WDHD1: variants seen among roughly 807,000 people sequenced by gnomAD.
WDHD1 encodes WD repeat and HMG-box DNA binding protein 1.
Under a neutral mutation model 135.4 loss-of-function variants are expected in WDHD1, and 111 were observed. That is an observed-to-expected ratio of 0.82 (90% CI 0.70 to 0.96). The LOEUF (loss-of-function observed/expected upper bound fraction) is 0.96. WDHD1 is among the 40% of genes least tolerant of loss of function. The probability of loss-of-function intolerance (pLI) is 0.00; values close to 1 mark genes in which losing one functional copy is unlikely to be tolerated. For missense variants in WDHD1, 1,351 were observed against 1,336.3 expected, an observed-to-expected ratio of 1.01 and a Z score of -0.17; for synonymous variants, 434 against 439.0, an observed-to-expected ratio of 0.99 and a Z score of 0.14.
At chr14:54,982,883 G>T (rs2041640771) in intron 15 of WDHD1, among the ~76,000 whole-genome samples, 2 of 152,208 alleles carry the variant, frequency 1.3e-5, no homozygotes, top group South Asian at 4.2e-4. Context: ...GGTACTCCTG[G>T]GCCAGGTGCA....
intron 6 of WDHD1, 63 bp downstream of exon 6, chr14:55,008,253 C>A (rs748709066): frequency 3.4e-6 from 5 of 1,485,386 alleles, no homozygotes; most frequent in Non-Finnish European, 4.6e-6. Context: ...CCCAGTAATA[C>A]GACATATAAC....
intron 11 of WDHD1, among the ~76,000 whole-genome samples, chr14:54,994,686 A>G (rs1425772984): frequency 1.3e-5 from 2 of 151,620 alleles, no homozygotes; most frequent in African/African-American, 2.4e-5. Flanking sequence ...ACTTGAATCC[A>G]GGAGGCGGAG....
intron 2 of WDHD1, among the ~76,000 whole-genome samples, chr14:55,022,550 T>C (rs961414263): frequency 1.3e-5 from 2 of 151,900 alleles, no homozygotes; most frequent in Admixed American, 1.3e-4. Flanking sequence ...TGTGTGGTGG[T>C]GTATGCCTGT....
chr14:54,980,323 CA>C (rs933823746), intron 16 of WDHD1, among the ~76,000 whole-genome samples: 1,770 of 124,588 alleles, frequency 0.014, 16 homozygotes, highest in African/African-American at 0.035. Flanking sequence ...GACTCTGTCT[CA>C]AAAAAAAAAA....
Position 54,995,726 on chromosome 14 carries a change from C to A in WDHD1, c.1030G>T (p.Val344Phe), listed in dbSNP as rs2041866908. Reference sequence around the variant, plus strand: ...CCTTTTGAAAAAGAAGGGATCTCAACTGCATTGTCATTTAGAAAATCACCA... The same window carrying A: ...CCTTTTGAAAAAGAAGGGATCTCAAATGCATTGTCATTTAGAAAATCACCA... Reference protein sequence around the residue: ...NAGDFLNDNAVEIPSFSKGII... With the variant: ...NAGDFLNDNAFEIPSFSKGII... Residue 344 changes from valine (V) to phenylalanine (F), a missense_variant, in exon 11 of 26, where the codon GTT becomes TTT. Coordinates refer to ENST00000360586, the MANE Select transcript of WDHD1 (RefSeq NM_007086.4). 4 of 1,613,436 alleles carry A rather than the reference C, an allele frequency of 2.5e-6. No homozygotes were observed. The highest frequency in any genetic ancestry group is 2.2e-5 in the South Asian group (2 of 91,008).
chr14:54,980,350 G>GT lies in WDHD1; in HGVS notation c.2063+1189dup, dbSNP rs568879384. On this transcript the variant is annotated intron_variant, in intron 16 of 25. Transcript: ENST00000360586. Reference sequence around the variant, plus strand: ...AAAAAAAAAAAGACATAATTCAGTGGTTTTTTTGTATATTCACAGAATTGT... The same window carrying GT: ...AAAAAAAAAAAGACATAATTCAGTGGTTTTTTTTGTATATTCACAGAATTGT... Among the ~76,000 whole-genome samples, 11 of 151,784 alleles carry GT rather than the reference G, an allele frequency of 7.2e-5. No homozygotes were observed. In the South Asian group the frequency reaches 1.0e-3, roughly 14 times the overall value.
At chr14:55,010,971 A>C (rs2140224386) in intron 3 of WDHD1, among the ~76,000 whole-genome samples, 1 of 152,314 alleles carries the variant, frequency 6.6e-6, no homozygotes, top group African/African-American at 2.4e-5. Context: ...GGATTGCCAC[A>C]CCACCAGAAC....
At chr14:54,998,332 G>C (rs569721766) in intron 10 of WDHD1, among the ~76,000 whole-genome samples, 8 of 152,070 alleles carry the variant, frequency 5.3e-5, no homozygotes, top group Non-Finnish European at 1.2e-4. Flanking sequence ...GTTTCGTCAT[G>C]TTGGCCAGGC....
intron 2 of WDHD1, among the ~76,000 whole-genome samples, chr14:55,016,614 A>G (rs1323698234): frequency 1.3e-5 from 2 of 152,240 alleles, no homozygotes; most frequent in East Asian, 3.8e-4. Context: ...GCTCTCCAAA[A>G]CAACTTTCTG....
chr14:54,942,232 G>C (rs1474119793), intron 25 of WDHD1, among the ~76,000 whole-genome samples: 1 of 151,020 alleles, frequency 6.6e-6, no homozygotes, highest in East Asian at 1.9e-4. Flanking sequence ...GCCTGGGCGA[G>C]AGCAAGACTC....
At chr14:54,990,513 G>A (rs979510552) in intron 12 of WDHD1, among the ~76,000 whole-genome samples, 6 of 151,346 alleles carry the variant, frequency 4.0e-5, no homozygotes, top group Non-Finnish European at 5.9e-5. Flanking sequence ...GGAGAATGGC[G>A]TGAACCTGGG....
intron 8 of WDHD1, among the ~76,000 whole-genome samples, chr14:55,001,545 GAGCCACTGTGCCC>G (rs1376169616): frequency 2.6e-5 from 4 of 152,300 alleles, no homozygotes; most frequent in South Asian, 4.1e-4. Flanking sequence ...TTACAGGCAT[GAGCCACTGTGCCC>G]AGCCACTGGC....
chr14:55,012,677 T>A (rs537832717), intron 3 of WDHD1, among the ~76,000 whole-genome samples: 2 of 152,308 alleles, frequency 1.3e-5, no homozygotes, highest in East Asian at 3.9e-4. Flanking sequence ...ATTGAGGGGT[T>A]GGCATCTGGC....
intron 16 of WDHD1, among the ~76,000 whole-genome samples, chr14:54,969,310 G>T (rs2041394222): frequency 6.7e-6 from 1 of 148,676 alleles, no homozygotes; most frequent in African/African-American, 2.5e-5. Context: ...ACAGGCGTGA[G>T]CCACCGCGCC....
intron 2 of WDHD1, among the ~76,000 whole-genome samples, chr14:55,024,381 C>G (rs1301494188): frequency 1.3e-5 from 2 of 152,236 alleles, no homozygotes; most frequent in Non-Finnish European, 2.9e-5. Context: ...ATCACTTTCT[C>G]AACCGTAACA....
At chr14:54,966,244 A>C (rs1407189417) in intron 18 of WDHD1, among the ~76,000 whole-genome samples, 2 of 151,000 alleles carry the variant, frequency 1.3e-5, no homozygotes, top group Non-Finnish European at 2.9e-5. Flanking sequence ...AGGCTGAGGC[A>C]GAATTGCGTG....
chr14:54,998,630 A>AT lies in WDHD1; in HGVS notation c.942+1872dup, dbSNP rs201947982. Among the ~76,000 whole-genome samples, 88 of 149,646 alleles carry AT rather than the reference A, an allele frequency of 5.9e-4. 1 individual carries two copies. Among genetic ancestry groups the AT allele is most frequent in the Admixed American group, 2.5e-3 (38 of 15,006 alleles). On this transcript the variant is annotated intron_variant, in intron 10 of 25. Coordinates refer to ENST00000360586, the MANE Select transcript of WDHD1 (RefSeq NM_007086.4). ...TACCTGTAAATCATATTCTAGTAGA[A>AT]TTTTTTTTTTTCACTTTTAATCATT...
chr14:54,961,608 CT>C (rs1566712782), intron 21 of WDHD1, among the ~76,000 whole-genome samples: 2 of 152,200 alleles, frequency 1.3e-5, no homozygotes, highest in African/African-American at 4.8e-5. Flanking sequence ...CTTGAAGTCC[CT>C]ACCCATCCTC....
chr14:54,955,092 AAAGT>A (rs1303861059), intron 24 of WDHD1, among the ~76,000 whole-genome samples: 17 of 152,358 alleles, frequency 1.1e-4, no homozygotes, highest in South Asian at 4.1e-4. Flanking sequence ...TTAAGTTAAA[AAAGT>A]AAGGTACAGA....
Sources: allele counts gnomAD v4.1 joint callset (sites outside exome capture counted in the v4.1 genomes callset), GRCh38; gene constraint gnomAD v4.1.1; transcripts MANE v1.5; gene names NCBI Gene and HGNC (gene_info 2026-07-23, HGNC 2026-07-21).